RARB: variants seen among roughly 807,000 people sequenced by gnomAD.
The protein encoded by RARB is retinoic acid receptor beta.
Under a neutral mutation model 51.9 loss-of-function variants are expected in RARB, and 17 were observed. The ratio of observed to expected loss-of-function variants is 0.33; its 90% CI spans 0.22 to 0.49. The LOEUF is 0.49. Ranked by LOEUF, RARB falls within the 20% of genes least tolerant of loss-of-function variation. The pLI, the probability that RARB is intolerant of heterozygous loss-of-function variation, is 0.99. For missense variants in RARB, 369 were observed against 550.8 expected, an observed-to-expected ratio of 0.67 and a Z score of 3.30; for synonymous variants, 215 against 195.4, an observed-to-expected ratio of 1.10 and a Z score of -0.84.
intron 2 of RARB, among the ~76,000 whole-genome samples, chr3:24,901,477 G>A (rs1051290440): frequency 6.6e-6 from 1 of 152,170 alleles, no homozygotes; most frequent in Non-Finnish European, 1.5e-5. Context: ...CTAGCCTCAA[G>A]TGATCCTCCT....
chr3:25,412,737 G>C (rs957020361), intron 5 of RARB, among the ~76,000 whole-genome samples: 2 of 152,154 alleles, frequency 1.3e-5, no homozygotes, highest in Non-Finnish European at 2.9e-5. Flanking sequence ...ACATGACCAT[G>C]GGCCGGGGGC....
At chr3:24,868,394 ATACTT>A (rs1702889198) in intron 2 of RARB, among the ~76,000 whole-genome samples, 4 of 152,148 alleles carry the variant, frequency 2.6e-5, no homozygotes, top group African/African-American at 9.7e-5. Context: ...TCTTTTCAAA[ATACTT>A]TATATATTAA....
chr3:25,066,596 C>T (rs1698667349), intron 3 of RARB, among the ~76,000 whole-genome samples: 1 of 140,160 alleles, frequency 7.1e-6, no homozygotes, highest in African/African-American at 3.1e-5. Context: ...TGTGCACACG[C>T]ACACATAAAC....
intron 3 of RARB, among the ~76,000 whole-genome samples, chr3:25,125,007 TAAA>T (rs1699839380): frequency 1.3e-5 from 2 of 152,328 alleles, no homozygotes; most frequent in African/African-American, 4.8e-5. Context: ...TAGCAACTGA[TAAA>T]AATTCTTGAT....
intron 5 of RARB, among the ~76,000 whole-genome samples, chr3:25,583,552 T>C (rs1396654958): frequency 6.6e-6 from 1 of 152,232 alleles, no homozygotes; most frequent in Non-Finnish European, 1.5e-5. Flanking sequence ...TGCGGTCAGC[T>C]GCGGGACACG....
At chr3:25,533,619 A>G (rs1183312276) in intron 3 of RARB, among the ~76,000 whole-genome samples, 1 of 152,178 alleles carries the variant, frequency 6.6e-6, no homozygotes, top group East Asian at 1.9e-4. Flanking sequence ...CAAACGATAT[A>G]TCTAGGTTTC....
intron 5 of RARB, among the ~76,000 whole-genome samples, chr3:25,348,537 G>C (rs908343436): frequency 1.1e-4 from 16 of 151,960 alleles, no homozygotes; most frequent in African/African-American, 2.4e-5. Flanking sequence ...ATCCACCAGT[G>C]GGTTTAAGTA....
At chr3:25,045,586 G>A (rs1299001671) in intron 2 of RARB, among the ~76,000 whole-genome samples, 1 of 152,196 alleles carries the variant, frequency 6.6e-6, no homozygotes, top group Admixed American at 6.5e-5. Flanking sequence ...CAGTGTGTGA[G>A]TTGGTTTGTG....
intron 2 of RARB, among the ~76,000 whole-genome samples, chr3:25,473,194 G>A (rs1695783814): frequency 6.6e-6 from 1 of 151,782 alleles, no homozygotes. Context: ...TTTTGTTGTT[G>A]TTGTTGTTAT....
At chr3:25,391,132 T>G (rs1012574022) in intron 5 of RARB, among the ~76,000 whole-genome samples, 13 of 152,152 alleles carry the variant, frequency 8.5e-5, no homozygotes, top group African/African-American at 2.7e-4. Context: ...TACTTATAAG[T>G]GAGAATATAC....
intron 5 of RARB, among the ~76,000 whole-genome samples, chr3:25,376,687 T>C (rs2125476007): frequency 6.6e-6 from 1 of 152,346 alleles, no homozygotes; most frequent in African/African-American, 2.4e-5. Context: ...ACTTGAACTT[T>C]TCTCCCCAGG....
chr3:24,943,435 T>TA (rs1190830768), intron 2 of RARB, among the ~76,000 whole-genome samples: 1 of 152,254 alleles, frequency 6.6e-6, no homozygotes, highest in East Asian at 1.9e-4. Flanking sequence ...AACGGCATGC[T>TA]AAAAAAGATT....
intron 5 of RARB, among the ~76,000 whole-genome samples, chr3:25,270,666 T>G (rs13082440): frequency 2.0e-5 from 3 of 152,098 alleles, no homozygotes; most frequent in Non-Finnish European, 4.4e-5. Context: ...ACCTGGGTAA[T>G]ATTATTTGTT....
At chr3:25,356,028 A>G (rs922604841) in intron 5 of RARB, among the ~76,000 whole-genome samples, 2 of 152,108 alleles carry the variant, frequency 1.3e-5, no homozygotes, top group Non-Finnish European at 1.5e-5. Flanking sequence ...AAAATTCTCT[A>G]TTTGCAAGTT....
At chr3:25,208,473 A>C (rs932489305) in intron 5 of RARB, among the ~76,000 whole-genome samples, 1 of 152,070 alleles carries the variant, frequency 6.6e-6, no homozygotes, top group African/African-American at 2.4e-5. Context: ...TTTCTTTGCT[A>C]TATTTAAACA....
intron 1 of RARB, among the ~76,000 whole-genome samples, chr3:25,454,800 T>C (rs1694824887): frequency 6.6e-6 from 1 of 152,246 alleles, no homozygotes; most frequent in South Asian, 2.1e-4. Flanking sequence ...TCGAAGACTT[T>C]CTGTGTGTTT....
chr3:24,868,420 G>T (rs960514475), intron 2 of RARB, among the ~76,000 whole-genome samples: 2 of 151,980 alleles, frequency 1.3e-5, no homozygotes, highest in Non-Finnish European at 2.9e-5. Context: ...CTCTGTCGTG[G>T]CTACTTTCCA....
chr3:25,210,606 G>A (rs1250743774), intron 5 of RARB, among the ~76,000 whole-genome samples: 2 of 139,336 alleles, frequency 1.4e-5, no homozygotes, highest in South Asian at 4.8e-4. Flanking sequence ...TGTAATCTCG[G>A]CTCACTGCAT....
chr3:25,440,367 G>A (rs1286930878), intron 1 of RARB, among the ~76,000 whole-genome samples: 1 of 151,794 alleles, frequency 6.6e-6, no homozygotes, highest in South Asian at 2.1e-4. Flanking sequence ...GATAATCGGA[G>A]CCTGGGAATG....
Sources: allele counts gnomAD v4.1 joint callset (sites outside exome capture counted in the v4.1 genomes callset), GRCh38; gene constraint gnomAD v4.1.1; transcripts MANE v1.5; gene names NCBI Gene and HGNC (gene_info 2026-07-23, HGNC 2026-07-21).